SOX6: variants seen among roughly 807,000 people sequenced by gnomAD.
SOX6 encodes transcription factor SOX-6.
In SOX6, 11 loss-of-function variants were observed where a neutral mutation model predicts 97.8. That is an observed-to-expected ratio of 0.11 (90% CI 0.07 to 0.19). SOX6 has a LOEUF of 0.19. SOX6 is among the 10% of genes least tolerant of loss of function. SOX6 has a pLI of 1.00. For missense variants in SOX6, 810 were observed against 1,039.5 expected (o/e 0.78, Z 3.04); for synonymous variants, 360 against 371.4 (o/e 0.97, Z 0.35).
chr11:15,969,784 A>G lies in SOX6; in HGVS notation c.*3025T>C, dbSNP rs1853250299. ...TTAAGCCCCACTGAAAATAAAATGA[A>G]TTGATCCCTATGATTGTCATTCTTA... On this transcript the variant is annotated 3_prime_UTR_variant, in exon 16 of 16. Coordinates refer to ENST00000683767, the MANE Select transcript of SOX6 (RefSeq NM_001367873.1). 6.6e-6 allele frequency: 1 copy of G among 152,262 alleles called. No homozygotes were observed. Among genetic ancestry groups the G allele is most frequent in the African/African-American group, 2.4e-5 (1 of 41,462 alleles). The allele number at this position is 152,262 out of a possible 1,614,324, so 9.4% of individuals were successfully genotyped here.
At chr11:16,526,925 C>T (rs1165870310) in intron 4 of SOX6, among the ~76,000 whole-genome samples, 2 of 152,094 alleles carry the variant, frequency 1.3e-5, no homozygotes, top group Non-Finnish European at 2.9e-5. Flanking sequence ...TACTCTTACC[C>T]ACACCTACAT....
chr11:16,567,724 G>A (rs377741471), intron 4 of SOX6, among the ~76,000 whole-genome samples: 15 of 133,196 alleles, frequency 1.1e-4, no homozygotes, highest in African/African-American at 3.4e-4. Flanking sequence ...ATGCCACCAC[G>A]CCTGGCTGAT....
intron 1 of SOX6, among the ~76,000 whole-genome samples, chr11:16,364,920 G>A (rs1197159115): frequency 6.6e-6 from 1 of 152,160 alleles, no homozygotes; most frequent in East Asian, 1.9e-4. Context: ...AACTGGGATT[G>A]TACTACTGTG....
At chr11:16,585,803 C>T (rs916729996) in intron 4 of SOX6, among the ~76,000 whole-genome samples, 2 of 150,970 alleles carry the variant, frequency 1.3e-5, no homozygotes, top group African/African-American at 4.9e-5. Flanking sequence ...CCACTTCAAC[C>T]TCCAGAATAG....
intron 1 of SOX6, among the ~76,000 whole-genome samples, chr11:16,390,481 C>T (rs188879286): frequency 3.7e-4 from 56 of 152,268 alleles, no homozygotes; most frequent in Non-Finnish European, 6.2e-4. Context: ...TTTCTCACTA[C>T]CAACTACTCT....
chr11:16,526,210 A>G (rs1013614636), intron 4 of SOX6, among the ~76,000 whole-genome samples: 6 of 152,216 alleles, frequency 3.9e-5, no homozygotes, highest in African/African-American at 1.4e-4. Context: ...CACTATTCAC[A>G]ATAGCAAAGA....
At chr11:16,390,468 C>T (rs574077160) in intron 1 of SOX6, among the ~76,000 whole-genome samples, 1 of 152,268 alleles carries the variant, frequency 6.6e-6, no homozygotes, top group South Asian at 2.1e-4. Flanking sequence ...GATTAAGTGG[C>T]CCTTTCTCAC....
At chr11:16,609,393 A>G (rs1438998952) in intron 4 of SOX6, among the ~76,000 whole-genome samples, 1 of 152,218 alleles carries the variant, frequency 6.6e-6, no homozygotes, top group Admixed American at 6.5e-5. Flanking sequence ...TCCTTACTGT[A>G]TAGAAACTCA....
intron 4 of SOX6, among the ~76,000 whole-genome samples, chr11:16,210,093 G>A (rs1298080572): frequency 6.6e-6 from 1 of 152,142 alleles, no homozygotes; most frequent in Non-Finnish European, 1.5e-5. Context: ...TTCCTCCAAA[G>A]GTTAAACAGA....
At chr11:16,197,375 G>A (rs753669576) in intron 4 of SOX6, among the ~76,000 whole-genome samples, 5 of 152,192 alleles carry the variant, frequency 3.3e-5, no homozygotes, top group African/African-American at 4.8e-5. Flanking sequence ...GAAACTGACC[G>A]ACAAGGGAGA....
intron 4 of SOX6, among the ~76,000 whole-genome samples, chr11:16,189,141 G>C (rs1851563001): frequency 6.6e-6 from 1 of 152,118 alleles, no homozygotes; most frequent in Admixed American, 6.6e-5. Context: ...CAACTACATA[G>C]GAATACAAAT....
At chr11:16,082,250 T>C (rs994518911) in intron 9 of SOX6, among the ~76,000 whole-genome samples, 19 of 152,184 alleles carry the variant, frequency 1.2e-4, no homozygotes, top group African/African-American at 4.3e-4. Context: ...GTTGGGTCTC[T>C]TGTCTGCTAA....
chr11:16,085,421 G>A (rs1290164600), intron 9 of SOX6, among the ~76,000 whole-genome samples: 1 of 152,152 alleles, frequency 6.6e-6, no homozygotes, highest in Non-Finnish European at 1.5e-5. Context: ...CTGAGAAGGA[G>A]TTTGATAAAA....
intron 14 of SOX6, among the ~76,000 whole-genome samples, chr11:15,986,850 A>G (rs1853859116): frequency 6.6e-6 from 1 of 152,210 alleles, no homozygotes; most frequent in East Asian, 1.9e-4. Flanking sequence ...TCTTTAGTGA[A>G]ACTATCCTTT....
At chr11:16,250,127 C>T (rs1160727355) in intron 3 of SOX6, among the ~76,000 whole-genome samples, 1 of 152,170 alleles carries the variant, frequency 6.6e-6, no homozygotes, top group Non-Finnish European at 1.5e-5. Context: ...ACCACCTGAG[C>T]TCTGCCTCCT....
At chr11:16,133,206 C>T (rs377623101) in intron 6 of SOX6, among the ~76,000 whole-genome samples, 2 of 152,322 alleles carry the variant, frequency 1.3e-5, no homozygotes, top group South Asian at 2.1e-4. Context: ...AAATGGGGCA[C>T]ACCCCTTTTT....
At chr11:16,005,939 G>A (rs1393312500) in intron 13 of SOX6, among the ~76,000 whole-genome samples, 1 of 151,704 alleles carries the variant, frequency 6.6e-6, no homozygotes, top group Non-Finnish European at 1.5e-5. Context: ...CATGTCTCAG[G>A]TGTAAATATC....
intron 3 of SOX6, among the ~76,000 whole-genome samples, chr11:16,661,141 C>A: frequency 6.6e-6 from 1 of 152,204 alleles, no homozygotes. Context: ...TTATTAGGCA[C>A]ATAAATATTA....
chr11:16,496,560 C>T (rs1041787133), intron 4 of SOX6, among the ~76,000 whole-genome samples: 2 of 152,200 alleles, frequency 1.3e-5, no homozygotes, highest in African/African-American at 4.8e-5. Context: ...AGGGAATTCC[C>T]TTTCCTAGTC....
Sources: allele counts gnomAD v4.1 joint callset (sites outside exome capture counted in the v4.1 genomes callset), GRCh38; gene constraint gnomAD v4.1.1; transcripts MANE v1.5; gene names NCBI Gene and HGNC (gene_info 2026-07-23, HGNC 2026-07-21).